Variants in POU2F2 observed in about 807,000 individuals in gnomAD.
POU2F2 encodes POU class 2 homeobox 2, also known as POU domain, class 2, transcription factor 2.
POU2F2 carries 14 observed loss-of-function variants against 63.5 expected under a neutral mutation model. The ratio of observed to expected loss-of-function variants is 0.22; its 90% CI spans 0.15 to 0.34. The LOEUF (loss-of-function observed/expected upper bound fraction) is 0.34, where lower values mean the gene tolerates loss of function less well. Ranked by LOEUF, POU2F2 falls within the 10% of genes least tolerant of loss-of-function variation. The probability of loss-of-function intolerance (pLI) is 1.00; values close to 1 mark genes in which losing one functional copy is unlikely to be tolerated. For synonymous variants in POU2F2, 306 were observed against 348.6 expected (o/e 0.88, Z 1.36); for missense variants, 607 against 815.2 (o/e 0.74, Z 3.11).
chr19:42,151,566 C>T (rs1368081219), intron 2 of POU2F2, among the ~76,000 whole-genome samples: 1 of 152,162 alleles, frequency 6.6e-6, no homozygotes, highest in Non-Finnish European at 1.5e-5. Flanking sequence ...TGTACCAATC[C>T]CTACGGATCC....
At chr19:42,159,302 C>T (rs1355774177) in intron 2 of POU2F2, among the ~76,000 whole-genome samples, 1 of 152,162 alleles carries the variant, frequency 6.6e-6, no homozygotes, top group Admixed American at 6.5e-5. Flanking sequence ...AGCAGTCCCC[C>T]ACCCCATGCA....
chr19:42,143,529 C>T (rs2060651083), intron 2 of POU2F2, among the ~76,000 whole-genome samples: 1 of 152,126 alleles, frequency 6.6e-6, no homozygotes, highest in Non-Finnish European at 1.5e-5. Flanking sequence ...TCACGGCAAG[C>T]GCTCAGGAGG....
chr19:42,132,069 T>C (rs1267411378), intron 1 of POU2F2, among the ~76,000 whole-genome samples: 4 of 152,268 alleles, frequency 2.6e-5, no homozygotes, highest in African/African-American at 9.6e-5. Flanking sequence ...ATTGCCCATG[T>C]CACCCACCCC....
intron 1 of POU2F2, among the ~76,000 whole-genome samples, chr19:42,165,702 C>A (rs972731068): frequency 6.6e-6 from 1 of 152,168 alleles, no homozygotes; most frequent in African/African-American, 2.4e-5. Context: ...ATAATAATAA[C>A]AGCTGCCTCA....
At chr19:42,128,822 C>T (rs1426751027) in intron 1 of POU2F2, among the ~76,000 whole-genome samples, 1 of 151,968 alleles carries the variant, frequency 6.6e-6, no homozygotes, top group Non-Finnish European at 1.5e-5. Context: ...ATTTAAAAGC[C>T]CCTCCAGGTG....
At chr19:42,151,386 C>G (rs529734659) in intron 2 of POU2F2, among the ~76,000 whole-genome samples, 1 of 151,916 alleles carries the variant, frequency 6.6e-6, no homozygotes, top group Non-Finnish European at 1.5e-5. Flanking sequence ...CTCAACCTCT[C>G]GGAGGCTGGG....
intron 1 of POU2F2, among the ~76,000 whole-genome samples, chr19:42,168,914 C>T (rs1303381486): frequency 6.6e-6 from 1 of 152,142 alleles, no homozygotes; most frequent in African/African-American, 2.4e-5. Context: ...CCCCTTTTTC[C>T]TCTCCTTACC....
intron 1 of POU2F2, among the ~76,000 whole-genome samples, chr19:42,160,780 T>C (rs1205503502): frequency 3.9e-5 from 6 of 152,132 alleles, no homozygotes; most frequent in Admixed American, 2.6e-4. Flanking sequence ...AGTGAATGGA[T>C]GGGTGGATGG....
intron 2 of POU2F2, among the ~76,000 whole-genome samples, chr19:42,148,357 C>G (rs2034273604): frequency 1.3e-5 from 2 of 152,204 alleles, no homozygotes. Flanking sequence ...AGCACTGTTT[C>G]AGGCATAAGC....
chr19:42,116,992 A>G (rs964934525), intron 5 of POU2F2: 1 of 618,550 alleles, frequency 1.6e-6, no homozygotes, highest in Non-Finnish European at 3.0e-6. Context: ...CTGAGCTGGC[A>G]TCAGTGCCGT....
At chr19:42,164,150 C>T (rs567042052) in intron 1 of POU2F2, among the ~76,000 whole-genome samples, 16 of 152,080 alleles carry the variant, frequency 1.1e-4, no homozygotes, top group South Asian at 2.1e-4. Flanking sequence ...AAATATTAGC[C>T]GGGTGTGGTG....
upstream of POU2F2, among the ~76,000 whole-genome samples, chr19:42,197,248 C>T (rs2035160860): frequency 6.6e-6 from 1 of 152,210 alleles, no homozygotes; most frequent in Admixed American, 6.5e-5. Context: ...AGGTAAATCA[C>T]CTGCCCTCTC....
chr19:42,170,249 G>A (rs1013754074), intron 1 of POU2F2, among the ~76,000 whole-genome samples: 1 of 151,734 alleles, frequency 6.6e-6, no homozygotes, highest in Non-Finnish European at 1.5e-5. Context: ...TGCTGCTGTG[G>A]ACACACAGAT....
chr19:42,086,987 C>T lies in POU2F2; in HGVS notation c.*4270G>A, dbSNP rs776542930. 6.6e-6 allele frequency: 1 copy of T among 152,096 alleles called. No individual in the cohort carries two copies. Among genetic ancestry groups the T allele is most frequent in the Non-Finnish European group, 1.5e-5 (1 of 68,020 alleles). The allele number at this position is 152,096 out of a possible 1,614,324, so 9.4% of individuals were successfully genotyped here. A position where few individuals can be genotyped will look rare whatever the true frequency, so the allele number is the denominator to read the frequency against. On this transcript the variant is annotated 3_prime_UTR_variant, in exon 15 of 15. Coordinates refer to ENST00000692977, the MANE Select transcript of POU2F2 (RefSeq NM_001394376.1). ...TTTTCTTTGTTTCCGCCTTTGTCAT[C>T]GTCGTCTTGCTTTGGAGACTGCTGA...
At chr19:42,122,624 G>A in intron 1 of POU2F2, 48 bp from the exon 2 acceptor site, 1 of 1,460,426 alleles carries the variant, frequency 6.8e-7, no homozygotes, top group South Asian at 1.3e-5. Context: ...GGGAATCCAG[G>A]AGGGCTCTCG....
chr19:42,120,285 C>T (rs2032449260), intron 4 of POU2F2, among the ~76,000 whole-genome samples: 1 of 150,358 alleles, frequency 6.7e-6, no homozygotes. Context: ...GGTGCAATCT[C>T]GGCTCACTGC....
upstream of POU2F2, among the ~76,000 whole-genome samples, chr19:42,176,918 C>T (rs2034894838): frequency 2.0e-5 from 3 of 151,450 alleles, no homozygotes; most frequent in Admixed American, 2.0e-4. Context: ...CTGCATTAAG[C>T]TTCTTGCAAT....
intron 5 of POU2F2, among the ~76,000 whole-genome samples, chr19:42,115,759 T>C (rs1374570699): frequency 1.3e-5 from 2 of 152,166 alleles, no homozygotes; most frequent in East Asian, 1.9e-4. Context: ...CAAAAAGATA[T>C]GTGGAAGCCC....
intron 7 of POU2F2, among the ~76,000 whole-genome samples, chr19:42,098,257 A>G (rs982155837): frequency 2.6e-5 from 4 of 152,120 alleles, no homozygotes; most frequent in African/African-American, 9.7e-5. Context: ...TATTAAAAAT[A>G]CAAAAATTAG....
Sources: gnomAD v4.1 joint callset for allele counts (sites outside exome capture counted in the v4.1 genomes callset) on GRCh38, gnomAD v4.1.1 for gene constraint, MANE v1.5 for transcripts, NCBI Gene and HGNC (gene_info 2026-07-23, HGNC 2026-07-21) for gene names.